Variants in DEPDC7 observed in about 807,000 individuals in gnomAD.
The protein encoded by DEPDC7 is DEP domain-containing protein 7.
In DEPDC7, 41 loss-of-function variants were observed where a neutral mutation model predicts 56.6. The observed-to-expected ratio is 0.72, with a 90% CI of 0.56 to 0.94. The LOEUF is 0.94. Among genes scored for constraint, DEPDC7 ranks in the 40% least tolerant of loss-of-function variants. The pLI is 0.00. For missense variants in DEPDC7, 522 were observed against 596.3 expected (o/e 0.88, Z 1.30); for synonymous variants, 185 against 208.8 (o/e 0.89, Z 0.98).
At chr11:33,032,577 G>T in intron 6 of DEPDC7, 91 bp from the exon 7 acceptor site, 2 of 1,347,356 alleles carry the variant, frequency 1.5e-6, no homozygotes, top group Non-Finnish European at 2.0e-6. Context: ...ATGCTGAAAT[G>T]TATAATAGCT....
At chr11:33,019,865 C>T (rs1853505345) in intron 1 of DEPDC7, among the ~76,000 whole-genome samples, 1 of 147,712 alleles carries the variant, frequency 6.8e-6, no homozygotes, top group South Asian at 2.1e-4. Flanking sequence ...CATCAACTGT[C>T]TGGATTCAGT....
Position 33,026,024 on chromosome 11 carries a change from G to A in DEPDC7, c.439G>A (p.Glu147Lys), listed in dbSNP as rs991189900. ...TAACCAAGACAGTCAGTTAGGCAAA[G>A]AGAACAAACTATATTCACCTGCCAG... is the stretch of plus-strand genomic sequence containing the variant. ...IPNQDSQLGK[E>K]NKLYSPARYA... Residue 147 changes from glutamate to lysine, a missense_variant, in exon 2 of 9, where the codon GAG (glutamate) becomes AAG (lysine). Coordinates refer to ENST00000241051, the MANE Select transcript of DEPDC7 (RefSeq NM_001077242.2). 4 of 1,613,890 alleles carry A rather than the reference G, an allele frequency of 2.5e-6. No homozygotes were observed. In the African/African-American group the frequency reaches 5.3e-5, roughly 22 times the overall value.
At chr11:33,030,904 A>G (rs1853626675) in intron 4 of DEPDC7, among the ~76,000 whole-genome samples, 1 of 152,176 alleles carries the variant, frequency 6.6e-6, no homozygotes, top group African/African-American at 2.4e-5. Context: ...TTATTTTGAA[A>G]TGTTTCTTCC....
At chr11:33,025,447 T>A (rs939496250) in intron 1 of DEPDC7, among the ~76,000 whole-genome samples, 1 of 152,226 alleles carries the variant, frequency 6.6e-6, no homozygotes. Context: ...TGCTTACTGT[T>A]GCATCTTAGC....
At chr11:33,030,840 TC>T (rs1239517542) in intron 4 of DEPDC7, among the ~76,000 whole-genome samples, 1 of 152,198 alleles carries the variant, frequency 6.6e-6, no homozygotes, top group Admixed American at 6.5e-5. Flanking sequence ...TGCCTCGGCC[TC>T]CCAAAGTGCT....
intron 1 of DEPDC7, among the ~76,000 whole-genome samples, chr11:33,023,128 C>CTT (rs1853539579): frequency 6.6e-6 from 1 of 150,820 alleles, no homozygotes. Context: ...ACTTGGGAGG[C>CTT]TAAAGGTGGG....
chr11:33,026,792 T>TCTTTC (rs1250466357), intron 2 of DEPDC7: 49 of 97,154 alleles, frequency 5.0e-4, no homozygotes, highest in African/African-American at 1.5e-3. Flanking sequence ...TCTTTTCTTT[T>TCTTTC]CTTTTTTTTC....
intron 1 of DEPDC7, among the ~76,000 whole-genome samples, chr11:33,016,809 C>G (rs1853467926): frequency 6.6e-6 from 1 of 152,152 alleles, no homozygotes; most frequent in African/African-American, 2.4e-5. Flanking sequence ...GATCTACAAC[C>G]CAGTTAATAG....
At position 33,026,611 on chromosome 11, in the gene DEPDC7, G is replaced by T. The variant is rs1190351281; in HGVS notation, c.464+562G>T. ...AGAGTTTTAGTGTATTCATTTTCGT[G>T]TGTGTGTACTTTTTTGAGGCAGGGT... is the stretch of plus-strand genomic sequence containing the variant. On this transcript the variant is annotated intron_variant, in intron 2 of 8. Transcript: ENST00000241051. 3.6e-5 allele frequency: 6 copies of T among 166,334 alleles called. No homozygotes were observed. The East Asian group carries it at 9.7e-4, about 27-fold the overall frequency. The allele number at this position is 166,334 out of a possible 1,614,324, so 10.3% of individuals were successfully genotyped here. A position where few individuals can be genotyped will look rare whatever the true frequency, so the allele number is the denominator to read the frequency against.
chr11:33,025,814 T>G lies in DEPDC7; in HGVS notation c.229T>G (p.Ser77Ala). Residue 77 changes from serine (S) to alanine (A), a missense_variant, in exon 2 of 9, where the codon TCT (serine) becomes GCT (alanine). Ser to Ala is a moderately conservative substitution (Grantham distance 99). Coordinates refer to ENST00000241051, the MANE Select transcript of DEPDC7 (RefSeq NM_001077242.2). ...TTCAGAAGCTGTGGATGTCATTTTT[T>G]CTCACCTAATTCAGAATAAGTATTT... is the stretch of plus-strand genomic sequence containing the variant. ...VGSEAVDVIF[S>A]HLIQNKYFGD... The G allele has an allele frequency of 6.2e-7, 1 of 1,614,206 alleles. No homozygotes were observed. The highest frequency in any genetic ancestry group is 8.5e-7 in the Non-Finnish European group (1 of 1,180,026).
chr11:33,031,739 G>A lies in DEPDC7; in HGVS notation c.994+150G>A, dbSNP rs1356363935. On this transcript the variant is annotated intron_variant, in intron 5 of 8. Transcript: ENST00000241051. ...AGTATGTTTGTTCAAAAACTTCTAGGGGTCATTTGGAAAGAGGCTTTAACA... is the reference window on the plus strand; with the variant it reads ...AGTATGTTTGTTCAAAAACTTCTAGAGGTCATTTGGAAAGAGGCTTTAACA... The A allele has an allele frequency of 3.4e-5, 23 of 679,442 alleles. No homozygotes were observed. The East Asian group carries it at 5.7e-4, about 17-fold the overall frequency. The allele number at this position is 679,442 out of a possible 1,614,324, so 42.1% of individuals were successfully genotyped here.
intron 1 of DEPDC7, chr11:33,016,592 A>C: frequency 6.2e-7 from 1 of 1,613,770 alleles, no homozygotes; most frequent in Middle Eastern, 1.7e-4. Flanking sequence ...AAAGGTATTT[A>C]TTAACACTTT....
intron 2 of DEPDC7, among the ~76,000 whole-genome samples, chr11:33,026,934 T>G (rs1165307993): frequency 6.6e-6 from 1 of 152,202 alleles, no homozygotes; most frequent in Non-Finnish European, 1.5e-5. Context: ...GGCCCATTTT[T>G]ACATGTTTTG....
chr11:33,022,660 G>T (rs146905702), intron 1 of DEPDC7, among the ~76,000 whole-genome samples: 1 of 151,994 alleles, frequency 6.6e-6, no homozygotes, highest in Non-Finnish European at 1.5e-5. Context: ...AATATTAGTC[G>T]CTAACAATGT....
At chr11:33,017,559 T>G (rs1243597441) in intron 1 of DEPDC7, among the ~76,000 whole-genome samples, 1 of 152,212 alleles carries the variant, frequency 6.6e-6, no homozygotes. Context: ...AGGGGCCCGC[T>G]GTTGTTCTCA....
chr11:33,030,616 C>T (rs1853623539), intron 4 of DEPDC7, among the ~76,000 whole-genome samples: 2 of 152,080 alleles, frequency 1.3e-5, no homozygotes, highest in Non-Finnish European at 2.9e-5. Flanking sequence ...TGAGGTCTCG[C>T]TCTGTTGCCC....
At chr11:33,028,944 ACATTAGT>A (rs1309762153) in intron 4 of DEPDC7, 152 bp downstream of exon 4, 1 of 509,104 alleles carries the variant, frequency 2.0e-6, no homozygotes, top group East Asian at 3.4e-5. Flanking sequence ...GAACAAAATT[ACATTAGT>A]CAAAATTAGA....
chr11:33,026,279 CAGGTTA>C lies in DEPDC7; in HGVS notation c.464+231_464+236del, dbSNP rs1853577535. ...TCAACACACTTTGATTTTCCTGCTT[CAGGTTA>C]TAGTTGCAGTGTAAAAAGTGTTCTC... On this transcript the variant is annotated intron_variant, in intron 2 of 8. Coordinates refer to ENST00000241051, the MANE Select transcript of DEPDC7 (RefSeq NM_001077242.2). 9 of 544,742 alleles carry C rather than the reference CAGGTTA, an allele frequency of 1.7e-5. No homozygotes were observed. The Admixed American group carries it at 2.8e-4, about 17-fold the overall frequency. 33.7% of individuals were successfully genotyped at this position (544,742 alleles called of 1,614,324 possible). A position where few individuals can be genotyped will look rare whatever the true frequency, so the allele number is the denominator to read the frequency against.
Position 33,015,949 on chromosome 11 carries a change from A to G in DEPDC7, c.-7A>G. ...CTGGAGGAGTTGGCGTCCGGGGAGC[A>G]AGGGCCATGGCCACCGTGCAGGAGA... On this transcript the variant is annotated 5_prime_UTR_variant, in exon 1 of 9. Transcript: ENST00000241051. The G allele has an allele frequency of 6.4e-7, 1 of 1,573,208 alleles. No homozygotes were observed. Among genetic ancestry groups the G allele is most frequent in the Non-Finnish European group, 8.6e-7 (1 of 1,160,136 alleles).
Sources: allele counts gnomAD v4.1 joint callset (sites outside exome capture counted in the v4.1 genomes callset), GRCh38; gene constraint gnomAD v4.1.1; transcripts MANE v1.5; gene names NCBI Gene and HGNC (gene_info 2026-07-23, HGNC 2026-07-21).